The following CEP350 variants were observed in gnomAD, a reference collection of about 807,000 sequenced individuals.
CEP350 encodes the protein centrosomal protein 350.
In CEP350, 126 loss-of-function variants were observed where a neutral mutation model predicts 331.8. The ratio of observed to expected loss-of-function variants is 0.38; its 90% CI spans 0.33 to 0.44. The LOEUF is 0.44. Among genes scored for constraint, CEP350 ranks in the 20% least tolerant of loss-of-function variants. The probability of loss-of-function intolerance (pLI) is 1.00; values close to 1 mark genes in which losing one functional copy is unlikely to be tolerated. For synonymous variants in CEP350, 1,200 were observed against 1,259.5 expected (o/e 0.95, Z 1.00); for missense variants, 3,406 against 3,634.6 (o/e 0.94, Z 1.62).
At chr1:180,097,632 T>A (rs925700609) in intron 36 of CEP350, among the ~76,000 whole-genome samples, 1 of 152,156 alleles carries the variant, frequency 6.6e-6, no homozygotes, top group Middle Eastern at 3.2e-3. Flanking sequence ...ATATATAATA[T>A]ATACCAACAA....
In CEP350 at chr1:180,020,136, G is replaced by A; in HGVS notation, c.2362G>A (p.Ala788Thr). 1 of 1,613,968 alleles carries A rather than the reference G, an allele frequency of 6.2e-7. No homozygotes were observed. Among genetic ancestry groups the A allele is most frequent in the Middle Eastern group, 1.7e-4 (1 of 6,060 alleles). The change falls in exon 12 of 38, where the codon GCT becomes ACT. Residue 788 changes from alanine (A) to threonine (T), a missense_variant. By Grantham distance (58) the Ala-to-Thr change is moderately conservative. This residue lies in a region of CEP350 where 1,857 missense variants were observed against 1,909.2 expected (regional missense o/e 0.97). Coordinates refer to ENST00000367607, the MANE Select transcript of CEP350 (RefSeq NM_014810.5). ...ILPTRKNHNM[A>T]SRPLTFTPQP... The stretch of plus-strand genomic sequence containing the variant: ...ACCAACCAGGAAGAATCATAATATG[G>A]CTTCAAGGCCATTAACTTTTACACC...
At chr1:180,026,332 C>T (rs1056571783) in intron 14 of CEP350, among the ~76,000 whole-genome samples, 1 of 151,808 alleles carries the variant, frequency 6.6e-6, no homozygotes, top group African/African-American at 2.4e-5. Flanking sequence ...TTTGCAGAGA[C>T]GAGGGCCTCA....
chr1:179,967,403 T>G (rs1651097794), intron 1 of CEP350, among the ~76,000 whole-genome samples: 2 of 152,200 alleles, frequency 1.3e-5, no homozygotes, highest in Non-Finnish European at 2.9e-5. Flanking sequence ...TGGCTATAAC[T>G]TAATGTTTCA....
At chr1:180,021,074 A>T in intron 12 of CEP350, 65 bp downstream of exon 12, 1 of 1,367,836 alleles carries the variant, frequency 7.3e-7, no homozygotes, top group South Asian at 1.7e-5. Context: ...TAATTTCTGT[A>T]TGAGATATGT....
chr1:180,057,350 C>G (rs1243112381), intron 25 of CEP350, among the ~76,000 whole-genome samples: 1 of 151,988 alleles, frequency 6.6e-6, no homozygotes, highest in African/African-American at 2.4e-5. Flanking sequence ...ATCCACCCAC[C>G]TTGGCTTCCC....
intron 27 of CEP350, among the ~76,000 whole-genome samples, chr1:180,072,865 T>G (rs1658985588): frequency 6.6e-6 from 1 of 152,212 alleles, no homozygotes. Flanking sequence ...AAATGTTGCC[T>G]TGATCTACAA....
chr1:179,987,934 CAAT>C (rs546756597), intron 3 of CEP350, among the ~76,000 whole-genome samples: 2 of 151,498 alleles, frequency 1.3e-5, no homozygotes, highest in East Asian at 1.9e-4. Context: ...GACCCTGTCT[CAAT>C]AATAATAATA....
At chr1:180,013,732 T>A in intron 9 of CEP350, 115 bp from the exon 10 acceptor site, 1 of 947,108 alleles carries the variant, frequency 1.1e-6, no homozygotes, top group Non-Finnish European at 1.6e-6. Flanking sequence ...GTAAGATATT[T>A]GAATTTGAGT....
intron 37 of CEP350, 116 bp downstream of exon 37, chr1:180,099,101 C>T (rs547095019): frequency 1.8e-5 from 19 of 1,062,514 alleles, no homozygotes; most frequent in Non-Finnish European, 2.3e-5. Context: ...GTATTAAAAT[C>T]TTAAAGCCTT....
chr1:180,043,755 G>A (rs919420526), intron 20 of CEP350, among the ~76,000 whole-genome samples: 10 of 144,804 alleles, frequency 6.9e-5, no homozygotes, highest in Admixed American at 2.2e-4. Flanking sequence ...TGGCGGGACT[G>A]GGTGACATTA....
At position 180,112,100 on chromosome 1, in the gene CEP350, C is replaced by T. The variant is rs1661491205; in HGVS notation, c.*939C>T. ...GAATGATTTAGGAAATGAGTGTGTG[C>T]ACCAAAGACAAAAAGATATTGTCTA... On this transcript the variant is annotated 3_prime_UTR_variant, in exon 38 of 38. Transcript: ENST00000367607. 6.6e-6 allele frequency: 1 copy of T among 152,586 alleles called. No homozygotes were observed. Among genetic ancestry groups the T allele is most frequent in the Admixed American group, 6.5e-5 (1 of 15,272 alleles). 9.5% of individuals were successfully genotyped at this position (152,586 alleles called of 1,614,324 possible).
At chr1:179,962,082 A>C (rs1650672078) in intron 1 of CEP350, among the ~76,000 whole-genome samples, 1 of 152,082 alleles carries the variant, frequency 6.6e-6, no homozygotes. Flanking sequence ...TGTGAGCTCA[A>C]GTGGTCTGCC....
intron 7 of CEP350, among the ~76,000 whole-genome samples, chr1:180,003,850 G>T (rs954287777): frequency 2.0e-5 from 3 of 152,048 alleles, no homozygotes; most frequent in African/African-American, 7.2e-5. Flanking sequence ...AGGAAATGGA[G>T]GCTCAAAGAG....
intron 1 of CEP350, among the ~76,000 whole-genome samples, chr1:179,956,872 ATTATTT>A (rs776150155): frequency 6.6e-6 from 1 of 152,128 alleles, no homozygotes; most frequent in African/African-American, 2.4e-5. Context: ...ATAATGTGGA[ATTATTT>A]TTATTTTAAA....
chr1:180,075,915 C>T (rs1468371545), intron 28 of CEP350, among the ~76,000 whole-genome samples: 1 of 151,842 alleles, frequency 6.6e-6, no homozygotes, highest in African/African-American at 2.4e-5. Context: ...CAACATCGTA[C>T]CACTGCACTC....
In CEP350 at chr1:180,014,319, A is replaced by G; in HGVS notation, c.1866A>G (p.Thr622=). ...NEEKKAQKEA[T]EQKNKRLQEL... ...AGAAGAAGGCTCAAAAGGAGGCTAC[A>G]GAACAGAAAAACAAACGATTACAAG... Residue 622 remains threonine, a synonymous_variant, in exon 10 of 38, where the codon ACA becomes ACG. Coordinates refer to ENST00000367607, the MANE Select transcript of CEP350 (RefSeq NM_014810.5). 1 of 1,591,032 alleles carries G rather than the reference A, an allele frequency of 6.3e-7. No individual in the cohort carries two copies. The highest frequency in any genetic ancestry group is 8.6e-7 in the Non-Finnish European group (1 of 1,168,334).
intron 25 of CEP350, among the ~76,000 whole-genome samples, chr1:180,058,950 C>G (rs981873135): frequency 6.6e-6 from 1 of 152,044 alleles, no homozygotes; most frequent in African/African-American, 2.4e-5. Flanking sequence ...TTCGTTTTAC[C>G]CTCCCTGAAG....
chr1:180,022,794 TCTC>T lies in CEP350; in HGVS notation c.3336_3338del (p.Ser1113del), dbSNP rs749716247. 25 of 1,604,486 alleles carry T rather than the reference TCTC, an allele frequency of 1.6e-5. No homozygotes were observed. In the African/African-American group the frequency reaches 3.3e-4, roughly 21 times the overall value. On this transcript the variant is annotated inframe_deletion, in exon 13 of 38. Coordinates refer to ENST00000367607, the MANE Select transcript of CEP350 (RefSeq NM_014810.5). ...GGTGTTTCATATGAAGATGATTTTG[TCTC>T]CTCTCCAGGGACTGGGACTTCGACA... is the stretch of plus-strand genomic sequence containing the variant.
intron 11 of CEP350, among the ~76,000 whole-genome samples, chr1:180,018,818 G>T (rs1006922891): frequency 8.0e-5 from 12 of 150,700 alleles, no homozygotes; most frequent in African/African-American, 2.2e-4. Context: ...TAATGGACAA[G>T]ACCAAGGACA....
Sources: allele counts gnomAD v4.1 joint callset (sites outside exome capture counted in the v4.1 genomes callset), GRCh38; gene constraint gnomAD v4.1.1; regional missense constraint gnomAD v4.1.1; transcripts MANE v1.5; gene names NCBI Gene and HGNC (gene_info 2026-07-23, HGNC 2026-07-21).